The following STAG1 variants were observed in gnomAD, a reference collection of about 807,000 sequenced individuals.
The protein encoded by STAG1 is STAG1 cohesin complex component.
Under a neutral mutation model 170.9 loss-of-function variants are expected in STAG1, and 26 were observed. The observed-to-expected ratio is 0.15, with a 90% CI of 0.11 to 0.21. The LOEUF (loss-of-function observed/expected upper bound fraction) is 0.21, where lower values mean the gene tolerates loss of function less well. Among genes scored for constraint, STAG1 ranks in the 10% least tolerant of loss-of-function variants. The pLI, the probability that STAG1 is intolerant of heterozygous loss-of-function variation, is 1.00. For synonymous variants in STAG1, 514 were observed against 497.7 expected (o/e 1.03, Z -0.44); for missense variants, 964 against 1,509.5 (o/e 0.64, Z 5.99).
chr3:136,594,828 T>G (rs888966564), intron 4 of STAG1, among the ~76,000 whole-genome samples: 1 of 152,238 alleles, frequency 6.6e-6, no homozygotes, highest in South Asian at 2.1e-4. Context: ...TGGAGTGCAA[T>G]GGCACAATCA....
chr3:136,684,106 A>G (rs1227626243), intron 1 of STAG1, among the ~76,000 whole-genome samples: 1 of 152,236 alleles, frequency 6.6e-6, no homozygotes, highest in Non-Finnish European at 1.5e-5. Flanking sequence ...GTTCTTCTCA[A>G]CTTGATTTAT....
chr3:136,470,578 C>T (rs1339634914), intron 12 of STAG1, among the ~76,000 whole-genome samples: 7 of 152,116 alleles, frequency 4.6e-5, no homozygotes, highest in Non-Finnish European at 7.4e-5. Context: ...GACAGTGTGG[C>T]GATTCCTCAA....
chr3:136,737,078 G>T (rs1237477626), intron 1 of STAG1: 2 of 1,047,182 alleles, frequency 1.9e-6, no homozygotes, highest in African/African-American at 1.6e-5. Context: ...GGGTGAAACT[G>T]AAGTAAGAGG....
intron 12 of STAG1, among the ~76,000 whole-genome samples, chr3:136,469,025 A>G (rs1229188488): frequency 1.3e-5 from 2 of 152,204 alleles, no homozygotes; most frequent in Non-Finnish European, 1.5e-5. Context: ...CCCACACCCA[A>G]TATCATACTG....
intron 4 of STAG1, among the ~76,000 whole-genome samples, chr3:136,592,275 A>G (rs562096768): frequency 6.6e-6 from 1 of 152,274 alleles, no homozygotes; most frequent in Non-Finnish European, 1.5e-5. Flanking sequence ...GTAGGAGGTA[A>G]TTGAATCATG....
At chr3:136,564,903 T>TA (rs1478435684) in intron 5 of STAG1, among the ~76,000 whole-genome samples, 1 of 148,820 alleles carries the variant, frequency 6.7e-6, no homozygotes, top group Non-Finnish European at 1.5e-5. Context: ...GAAGGAAACA[T>TA]AGAGGTAAAT....
At chr3:136,390,843 A>G (rs1231574492) in intron 22 of STAG1, among the ~76,000 whole-genome samples, 1 of 152,162 alleles carries the variant, frequency 6.6e-6, no homozygotes, top group Non-Finnish European at 1.5e-5. Flanking sequence ...GGAAGAGAAA[A>G]GAAAGAGCTA....
At chr3:136,512,120 AG>A (rs1934099667) in intron 7 of STAG1, among the ~76,000 whole-genome samples, 2 of 146,650 alleles carry the variant, frequency 1.4e-5, no homozygotes, top group African/African-American at 2.5e-5. Flanking sequence ...AAAAAAAAAA[AG>A]GAAAGGAAAG....
At chr3:136,726,764 C>A (rs1171564580) in intron 1 of STAG1, among the ~76,000 whole-genome samples, 1 of 152,124 alleles carries the variant, frequency 6.6e-6, no homozygotes. Context: ...TTAAAACTCT[C>A]TAACAGCTTC....
chr3:136,453,172 T>C (rs1032845631), intron 13 of STAG1, among the ~76,000 whole-genome samples: 40 of 152,202 alleles, frequency 2.6e-4, no homozygotes, highest in Non-Finnish European at 3.2e-4. Flanking sequence ...AACCCAATAG[T>C]TTTTAGTAAA....
chr3:136,719,248 A>G (rs1446828023), intron 1 of STAG1, among the ~76,000 whole-genome samples: 1 of 152,214 alleles, frequency 6.6e-6, no homozygotes, highest in African/African-American at 2.4e-5. Flanking sequence ...ATTGCTAAAT[A>G]AAAGCCAAAC....
chr3:136,638,731 C>G (rs966094403), intron 1 of STAG1, among the ~76,000 whole-genome samples: 2 of 152,058 alleles, frequency 1.3e-5, no homozygotes, highest in Middle Eastern at 3.4e-3. Flanking sequence ...GGTGAAAACT[C>G]GTCTCTGCTA....
At chr3:136,443,484 T>G (rs1201899319) in intron 14 of STAG1, 80 bp from the exon 15 acceptor site, 2 of 983,580 alleles carry the variant, frequency 2.0e-6, no homozygotes, top group Non-Finnish European at 3.1e-6. Context: ...AGAAATCATT[T>G]TCTTCATAAT....
chr3:136,503,897 A>G (rs1933621030), intron 7 of STAG1, among the ~76,000 whole-genome samples: 1 of 151,838 alleles, frequency 6.6e-6, no homozygotes, highest in South Asian at 2.1e-4. Flanking sequence ...CACCACGCCC[A>G]GCTAATTACT....
intron 9 of STAG1, among the ~76,000 whole-genome samples, chr3:136,499,431 G>C (rs2107861537): frequency 1.3e-5 from 2 of 152,224 alleles, no homozygotes; most frequent in Middle Eastern, 6.8e-3. Flanking sequence ...CAAAGTGTTA[G>C]GATTACAGGG....
intron 4 of STAG1, among the ~76,000 whole-genome samples, chr3:136,575,064 T>TA (rs1937405712): frequency 6.6e-6 from 1 of 152,178 alleles, no homozygotes; most frequent in Admixed American, 6.5e-5. Flanking sequence ...GAGAAAATTT[T>TA]AAAAAACTGA....
chr3:136,581,651 C>T (rs1015522477), intron 4 of STAG1, among the ~76,000 whole-genome samples: 1 of 151,944 alleles, frequency 6.6e-6, no homozygotes, highest in African/African-American at 2.4e-5. Context: ...ATTTTTGGAC[C>T]CAGCAGCCCT....
chr3:136,399,707 A>C (rs1325739779), intron 21 of STAG1, among the ~76,000 whole-genome samples: 1 of 151,952 alleles, frequency 6.6e-6, no homozygotes, highest in Admixed American at 6.6e-5. Context: ...CTCTGCATGC[A>C]TTTTTCTAGG....
intron 5 of STAG1, among the ~76,000 whole-genome samples, chr3:136,564,349 C>T (rs947344892): frequency 6.6e-5 from 10 of 152,136 alleles, no homozygotes; most frequent in African/African-American, 2.2e-4. Context: ...TGTATTCTAA[C>T]CAACAATGTA....
Sources: gnomAD v4.1 joint callset for allele counts (sites outside exome capture counted in the v4.1 genomes callset) on GRCh38, gnomAD v4.1.1 for gene constraint, MANE v1.5 for transcripts, NCBI Gene and HGNC (gene_info 2026-07-23, HGNC 2026-07-21) for gene names.